The following PRKCQ variants were observed in gnomAD, a reference collection of about 807,000 sequenced individuals.
The protein encoded by PRKCQ is protein kinase C theta.
Under a neutral mutation model 91.2 loss-of-function variants are expected in PRKCQ, and 41 were observed. That is an observed-to-expected ratio of 0.45 (90% confidence interval 0.35 to 0.58). The LOEUF (loss-of-function observed/expected upper bound fraction) is 0.58, where lower values mean the gene tolerates loss of function less well. PRKCQ is among the 20% of genes least tolerant of loss of function. The probability of loss-of-function intolerance (pLI) is 0.00; values close to 1 mark genes in which losing one functional copy is unlikely to be tolerated. For missense variants in PRKCQ, 673 were observed against 896.5 expected (o/e 0.75, Z 3.18); for synonymous variants, 307 against 316.9 (o/e 0.97, Z 0.33).
chr10:6,527,389 G>A (rs987967640), intron 1 of PRKCQ, among the ~76,000 whole-genome samples: 1 of 152,030 alleles, frequency 6.6e-6, no homozygotes, highest in South Asian at 2.1e-4. Context: ...TGGTTATGAG[G>A]ACAACAGCAC....
chr10:6,563,314 G>A (rs1268036749), intron 1 of PRKCQ, among the ~76,000 whole-genome samples: 1 of 151,966 alleles, frequency 6.6e-6, no homozygotes. Flanking sequence ...TACTATGACT[G>A]AGCTCTACTG....
chr10:6,414,865 T>C, the PRKCQ span, among the ~76,000 whole-genome samples: 2 of 151,184 alleles, frequency 1.3e-5, no homozygotes, highest in Non-Finnish European at 1.5e-5. Flanking sequence ...CAAATATATA[T>C]GCAATTGGAG....
chr10:6,507,319 G>T (rs1407181328), intron 4 of PRKCQ, 117 bp downstream of exon 4: 3 of 1,003,754 alleles, frequency 3.0e-6, no homozygotes, highest in Non-Finnish European at 4.6e-6. Flanking sequence ...AAACAATTTT[G>T]TGCCTCTCTT....
intron 1 of PRKCQ, among the ~76,000 whole-genome samples, chr10:6,527,437 T>C (rs1208176807): frequency 6.6e-6 from 1 of 152,216 alleles, no homozygotes; most frequent in Non-Finnish European, 1.5e-5. Context: ...ATGGTCATTA[T>C]GAGAAGGCTC....
chr10:6,517,256 A>G (rs1338056745), intron 1 of PRKCQ, among the ~76,000 whole-genome samples: 2 of 152,158 alleles, frequency 1.3e-5, no homozygotes, highest in Non-Finnish European at 2.9e-5. Context: ...GTTAGTAAAA[A>G]GTCTCTCCAG....
intron 1 of PRKCQ, among the ~76,000 whole-genome samples, chr10:6,569,151 T>A (rs1489013359): frequency 6.6e-6 from 1 of 152,188 alleles, no homozygotes; most frequent in Non-Finnish European, 1.5e-5. Context: ...TAATATTTAC[T>A]GAGCACCTAC....
At chr10:6,404,744 T>G in the PRKCQ span, among the ~76,000 whole-genome samples, 1 of 142,274 alleles carries the variant, frequency 7.0e-6, no homozygotes, top group South Asian at 2.2e-4. Flanking sequence ...CCTTCCTTCC[T>G]CCCTTCCCTT....
intron 1 of PRKCQ, among the ~76,000 whole-genome samples, chr10:6,527,450 A>G (rs913422776): frequency 6.6e-6 from 1 of 152,142 alleles, no homozygotes; most frequent in Non-Finnish European, 1.5e-5. Context: ...GAAGGCTCAT[A>G]TTTTCCCTCC....
intron 1 of PRKCQ, among the ~76,000 whole-genome samples, chr10:6,518,755 T>C (rs1048867883): frequency 1.4e-4 from 21 of 152,092 alleles, no homozygotes; most frequent in Non-Finnish European, 2.1e-4. Context: ...CCTGCAGAGG[T>C]TGCAGAGAGC....
At chr10:6,415,827 C>T in the PRKCQ span, among the ~76,000 whole-genome samples, 1 of 151,194 alleles carries the variant, frequency 6.6e-6, no homozygotes, top group Admixed American at 6.6e-5. Flanking sequence ...CTCACTGCAA[C>T]CTCCGCCTCC....
At chr10:6,431,042 C>A in intron 16 of PRKCQ, 104 bp from the exon 17 acceptor site, 1 of 1,385,910 alleles carries the variant, frequency 7.2e-7, no homozygotes, top group Non-Finnish European at 9.6e-7. Flanking sequence ...TTTCTAACCT[C>A]ATTTTTCTAC....
intron 12 of PRKCQ, among the ~76,000 whole-genome samples, chr10:6,470,832 C>T (rs1293004717): frequency 6.6e-6 from 1 of 151,726 alleles, no homozygotes; most frequent in Non-Finnish European, 1.5e-5. Context: ...ACACCTGTAA[C>T]CCCAGCTACT....
At chr10:6,542,488 T>C (rs958515605) in intron 1 of PRKCQ, among the ~76,000 whole-genome samples, 1 of 152,238 alleles carries the variant, frequency 6.6e-6, no homozygotes, top group African/African-American at 2.4e-5. Flanking sequence ...CTTGAAATAC[T>C]CGTATTTTGG....
Position 6,441,987 on chromosome 10 carries a change from C to T in PRKCQ, c.1742G>A (p.Gly581Glu). 2 of 1,614,090 alleles carry T rather than the reference C, an allele frequency of 1.2e-6. No homozygotes were observed. The highest frequency in any genetic ancestry group is 1.7e-6 in the Non-Finnish European group (2 of 1,180,022). Residue 581 changes from glycine (G) to glutamate (E), a missense_variant, in exon 16 of 18, where the codon GGG (glycine) becomes GAG (glutamate). By Grantham distance (98) the Gly-to-Glu change is moderately conservative (BLOSUM62 -2). Coordinates refer to ENST00000263125, the MANE Select transcript of PRKCQ (RefSeq NM_006257.5). ...EMLIGQSPFH[G>E]QDEEELFHSI... ...GTGGAAGAGCTCCTCCTCATCCTGC[C>T]CGTGGAAAGGCGACTGACCAATCAG... is the stretch of plus-strand genomic sequence containing the variant.
intron 4 of PRKCQ, among the ~76,000 whole-genome samples, chr10:6,506,083 G>A (rs895315957): frequency 2.6e-5 from 4 of 152,054 alleles, no homozygotes; most frequent in African/African-American, 7.2e-5. Context: ...CTGGTTATTC[G>A]GATATCCTGC....
At chr10:6,397,071 C>T in the PRKCQ span, among the ~76,000 whole-genome samples, 7 of 152,076 alleles carry the variant, frequency 4.6e-5, no homozygotes, top group Non-Finnish European at 8.8e-5. Context: ...GCCATTTGCA[C>T]ATGTTCTTTA....
At chr10:6,405,263 G>A in the PRKCQ span, among the ~76,000 whole-genome samples, 16 of 152,316 alleles carry the variant, frequency 1.1e-4, no homozygotes, top group African/African-American at 3.1e-4. Context: ...GATTACAGGC[G>A]TGAGCCACCG....
chr10:6,574,776 A>AGACTG (rs1841166068), intron 1 of PRKCQ, among the ~76,000 whole-genome samples: 1 of 152,220 alleles, frequency 6.6e-6, no homozygotes, highest in Non-Finnish European at 1.5e-5. Flanking sequence ...TGCAAGGCTT[A>AGACTG]GACTGGACTG....
At chr10:6,468,990 C>T (rs113637244) in intron 12 of PRKCQ, among the ~76,000 whole-genome samples, 84 of 152,180 alleles carry the variant, frequency 5.5e-4, no homozygotes, top group African/African-American at 1.9e-3. Context: ...AGTATTTAGC[C>T]CTGTGCCTGG....
Sources: gnomAD v4.1 joint callset for allele counts (sites outside exome capture counted in the v4.1 genomes callset) on GRCh38, gnomAD v4.1.1 for gene constraint, MANE v1.5 for transcripts, NCBI Gene and HGNC (gene_info 2026-07-23, HGNC 2026-07-21) for gene names.